The following ZNF540 variants were observed in gnomAD, a reference collection of about 807,000 sequenced individuals.
The protein encoded by ZNF540 is zinc finger protein 540.
A neutral mutation model predicts 11.8 loss-of-function variants in ZNF540; 3 were observed. The ratio of observed to expected loss-of-function variants is 0.25; its 90% CI spans 0.12 to 0.65. The LOEUF (loss-of-function observed/expected upper bound fraction) is 0.65, where lower values mean the gene tolerates loss of function less well. Among genes scored for constraint, ZNF540 ranks in the 30% least tolerant of loss-of-function variants. The pLI, the probability that ZNF540 is intolerant of heterozygous loss-of-function variation, is 0.83. For synonymous variants in ZNF540, 247 were observed against 259.0 expected, an observed-to-expected ratio of 0.95 and a Z score of 0.45; for missense variants, 709 against 793.1, an observed-to-expected ratio of 0.89 and a Z score of 1.27.
At chr19:37,601,773 A>C (rs543345685) in intron 4 of ZNF540, among the ~76,000 whole-genome samples, 1 of 152,346 alleles carries the variant, frequency 6.6e-6, no homozygotes, top group East Asian at 1.9e-4. Flanking sequence ...AATAATTCCA[A>C]GCACAGCAGA....
At chr19:37,588,336 G>T (rs557014059) in intron 1 of ZNF540, among the ~76,000 whole-genome samples, 2 of 152,178 alleles carry the variant, frequency 1.3e-5, no homozygotes, top group Admixed American at 6.5e-5. Context: ...AGAGAACAGA[G>T]ATTTCAAAAT....
At chr19:37,571,161 CTGCCCA>C (rs2043036728) in intron 1 of ZNF540, among the ~76,000 whole-genome samples, 1 of 152,136 alleles carries the variant, frequency 6.6e-6, no homozygotes, top group Non-Finnish European at 1.5e-5. Context: ...GCCCTAATAA[CTGCCCA>C]TGACCACACA....
exon 1 of ZNF540, chr19:37,551,653 C>CT (rs1489232763): frequency 1.3e-5 from 2 of 152,368 alleles, no homozygotes; most frequent in South Asian, 4.1e-4. Flanking sequence ...GTTGTCCCGC[C>CT]TGGGATTGCG....
chr19:37,581,591 A>C (rs1173955381), intron 1 of ZNF540, among the ~76,000 whole-genome samples: 1 of 151,748 alleles, frequency 6.6e-6, no homozygotes, highest in Non-Finnish European at 1.5e-5. Flanking sequence ...CAGTCTCCCA[A>C]GTAGCTAGGA....
Position 37,566,050 on chromosome 19 carries a change from AGAAGAGGTT to A in ZNF540, c.-73+14389_-73+14397del, listed in dbSNP as rs757604894. The A allele has an allele frequency of 1.9e-6, 3 of 1,614,126 alleles. No individual in the cohort carries two copies. In the South Asian group the frequency reaches 3.3e-5, roughly 18 times the overall value. On this transcript the variant is annotated intron_variant, in intron 1 of 4. Transcript: ENST00000592533. ...TGGTAGGAATTATCCGATGAAAAGT[AGAAGAGGTT>A]GAATGACTTTCAGTGGCCTTTTCTT...
chr19:37,596,231 G>A (rs1027358938), intron 1 of ZNF540, among the ~76,000 whole-genome samples: 3 of 152,008 alleles, frequency 2.0e-5, no homozygotes, highest in Non-Finnish European at 2.9e-5. Flanking sequence ...GAAGATATTC[G>A]CGTCAACATT....
intron 1 of ZNF540, among the ~76,000 whole-genome samples, chr19:37,570,855 A>G (rs6508736): frequency 0.25 from 38,589 of 152,004 alleles, 5,591 homozygotes; most frequent in East Asian, 0.64. Context: ...CCACCCCTTT[A>G]TATCCTCCAT....
At chr19:37,560,366 AAATGT>A (rs1391866594) in intron 1 of ZNF540, 1 of 152,012 alleles carries the variant, frequency 6.6e-6, no homozygotes, top group African/African-American at 2.4e-5. Context: ...TTTGTAAGAT[AAATGT>A]AATGATTTTT....
At chr19:37,608,564 G>A (rs1024764403) in intron 4 of ZNF540, among the ~76,000 whole-genome samples, 3 of 151,956 alleles carry the variant, frequency 2.0e-5, no homozygotes, top group African/African-American at 4.8e-5. Flanking sequence ...AGTGTTTCTC[G>A]CCTTTTAGTT....
chr19:37,604,106 A>G (rs965577524), intron 4 of ZNF540, among the ~76,000 whole-genome samples: 3 of 151,990 alleles, frequency 2.0e-5, no homozygotes, highest in Non-Finnish European at 4.4e-5. Flanking sequence ...CTGTTCTTTA[A>G]AACTTTGATA....
At position 37,569,382 on chromosome 19, in the gene ZNF540, T is replaced by C. The variant is rs2042980219; in HGVS notation, c.-73+17717T>C. Among the ~76,000 whole-genome samples the C allele has an allele frequency of 6.6e-6, 1 of 152,198 alleles. No individual in the cohort carries two copies. The highest frequency in any genetic ancestry group is 1.5e-5 in the Non-Finnish European group (1 of 68,036). On this transcript the variant is annotated intron_variant, in intron 1 of 4. Coordinates refer to the ZNF540 transcript ENST00000592533. The surrounding 1 kb of genome is among the most constrained non-coding windows in gnomAD (Gnocchi z 4.4). The stretch of plus-strand genomic sequence containing the variant: ...ACATTATGTCACCATCTTAAGATTT[T>C]TCAATAGCCTGCAAAAATTGGAGGG...
intron 1 of ZNF540, chr19:37,562,247 T>A (rs2042724619): frequency 6.6e-6 from 1 of 152,194 alleles, no homozygotes; most frequent in South Asian, 2.1e-4. Flanking sequence ...CCAGGCATGG[T>A]GGCACGCACC....
At chr19:37,559,743 C>G (rs1011400083) in intron 1 of ZNF540, among the ~76,000 whole-genome samples, 1 of 151,982 alleles carries the variant, frequency 6.6e-6, no homozygotes, top group Non-Finnish European at 1.5e-5. Context: ...ACAAGAAAGG[C>G]AAAAATAGGG....
intron 1 of ZNF540, chr19:37,586,602 A>G (rs2043681722): frequency 2.5e-6 from 4 of 1,587,646 alleles, no homozygotes; most frequent in Admixed American, 1.7e-5. Context: ...ATTCTGGGAT[A>G]AATCTGGTGT....
chr19:37,551,517 G>C (rs973439214), exon 1 of ZNF540: 1 of 152,460 alleles, frequency 6.6e-6, no homozygotes, highest in Non-Finnish European at 1.5e-5. Context: ...CCTAGGAGTC[G>C]GGCAGGGCAG....
intron 1 of ZNF540, chr19:37,565,940 A>G (rs751567656): frequency 6.8e-6 from 11 of 1,613,636 alleles, no homozygotes; most frequent in Admixed American, 1.7e-5. Flanking sequence ...GCATTTTTCT[A>G]TATTATGATT....
chr19:37,577,768 G>A (rs536154654), intron 1 of ZNF540, among the ~76,000 whole-genome samples: 1 of 152,094 alleles, frequency 6.6e-6, no homozygotes, highest in Non-Finnish European at 1.5e-5. Flanking sequence ...ACTCTAGGGG[G>A]GCACTCAAGA....
chr19:37,609,430 G>C (rs1354929088), intron 4 of ZNF540, among the ~76,000 whole-genome samples: 2 of 151,872 alleles, frequency 1.3e-5, no homozygotes, highest in Non-Finnish European at 2.9e-5. Context: ...TGTTATCCCA[G>C]CTACTTGGGA....
chr19:37,557,996 C>A (rs937580455), intron 1 of ZNF540, among the ~76,000 whole-genome samples: 1 of 152,032 alleles, frequency 6.6e-6, no homozygotes, highest in African/African-American at 2.4e-5. Context: ...TGAGTAAGCA[C>A]CCCTTTAGCA....
Sources: gnomAD v4.1 joint callset for allele counts (sites outside exome capture counted in the v4.1 genomes callset) on GRCh38, gnomAD v4.1.1 for gene constraint, Gnocchi (gnomAD v3.1) non-coding constraint, MANE v1.5 for transcripts, NCBI Gene and HGNC (gene_info 2026-07-23, HGNC 2026-07-21) for gene names.